The following LSM12 variants were observed in gnomAD, a reference collection of about 807,000 sequenced individuals.
The protein encoded by LSM12 is protein LSM12.
For missense variants in LSM12, 108 were observed against 238.9 expected (o/e 0.45, Z 3.61); for synonymous variants, 74 against 87.3 (o/e 0.85, Z 0.85).
At chr17:44,062,240 A>C (rs2144113857) in intron 2 of LSM12, among the ~76,000 whole-genome samples, 1 of 151,818 alleles carries the variant, frequency 6.6e-6, no homozygotes, top group African/African-American at 2.4e-5. Flanking sequence ...AAAAAAAAAA[A>C]AAAGCTATGA....
chr17:44,051,144 C>T (rs1306033247), intron 2 of LSM12, among the ~76,000 whole-genome samples: 1 of 152,038 alleles, frequency 6.6e-6, no homozygotes, highest in Admixed American at 6.6e-5. Flanking sequence ...TGGTGGCTCA[C>T]ACCTGTAATC....
chr17:44,044,548 C>A (rs966542294), intron 2 of LSM12, among the ~76,000 whole-genome samples: 1 of 152,188 alleles, frequency 6.6e-6, no homozygotes, highest in Non-Finnish European at 1.5e-5. Context: ...ATATACTCAA[C>A]CTACAGTAAT....
intron 2 of LSM12, among the ~76,000 whole-genome samples, chr17:44,051,481 G>A (rs1394732617): frequency 6.6e-6 from 1 of 151,932 alleles, no homozygotes; most frequent in Non-Finnish European, 1.5e-5. Flanking sequence ...TGTGCCTGGG[G>A]GGAGGAGGTG....
At chr17:44,056,202 G>A (rs907930109) in intron 2 of LSM12, among the ~76,000 whole-genome samples, 1 of 151,874 alleles carries the variant, frequency 6.6e-6, no homozygotes, top group Admixed American at 6.6e-5. Flanking sequence ...GGCTGAGGTA[G>A]GAGAATTGCT....
intron 2 of LSM12, among the ~76,000 whole-genome samples, chr17:44,059,156 G>A (rs2049761516): frequency 6.6e-6 from 1 of 151,988 alleles, no homozygotes; most frequent in African/African-American, 2.4e-5. Context: ...TCAACAGAAT[G>A]AGACTATATC....
At chr17:44,056,377 G>T (rs1162760499) in intron 2 of LSM12, among the ~76,000 whole-genome samples, 6 of 151,906 alleles carry the variant, frequency 3.9e-5, no homozygotes, top group Non-Finnish European at 8.8e-5. Flanking sequence ...GCTGAGGTGG[G>T]AGGATCACTT....
Position 44,061,454 on chromosome 17 carries a change from A to G in LSM12, c.258+2347T>C, listed in dbSNP as rs547893774. On this transcript the variant is annotated intron_variant, in intron 2 of 4. Transcript: ENST00000293406. ...CTAAGCCAAGGTTTCAAAAACCTAT[A>G]AGCTTCAAAGAATGGGACATCCCAT... Among the ~76,000 whole-genome samples, 15 of 152,342 alleles carry G rather than the reference A, an allele frequency of 9.8e-5. No homozygotes were observed. In the South Asian group the frequency reaches 2.9e-3, roughly 29 times the overall value.
intron 2 of LSM12, among the ~76,000 whole-genome samples, chr17:44,053,576 C>A (rs1324064234): frequency 6.6e-6 from 1 of 151,974 alleles, no homozygotes; most frequent in Non-Finnish European, 1.5e-5. Flanking sequence ...GGAGAGAGTG[C>A]AAGAGGGAAG....
intron 3 of LSM12, among the ~76,000 whole-genome samples, chr17:44,039,859 A>G (rs1389110930): frequency 6.6e-6 from 1 of 152,230 alleles, no homozygotes; most frequent in African/African-American, 2.4e-5. Context: ...GTTCTAAGTT[A>G]TGGACTACTA....
rs1192015210 is a variant in LSM12 at position 44,034,630 on chromosome 17, A to G, written c.*1578T>C. On this transcript the variant is annotated 3_prime_UTR_variant, in exon 5 of 5. Coordinates refer to ENST00000293406, the MANE Select transcript of LSM12 (RefSeq NM_001371445.1). The stretch of plus-strand genomic sequence containing the variant: ...TCTGAAGGACGCACAAACCTGAGAC[A>G]TGAGTGATGGTTAAAAAAATTTGGG... The G allele has an allele frequency of 6.6e-6, 1 of 152,562 alleles. No individual in the cohort carries two copies. Among genetic ancestry groups the G allele is most frequent in the Non-Finnish European group, 1.5e-5 (1 of 68,038 alleles). 9.5% of individuals were successfully genotyped at this position (152,562 alleles called of 1,614,324 possible).
chr17:44,045,211 A>C (rs538601644), intron 2 of LSM12, among the ~76,000 whole-genome samples: 1 of 152,164 alleles, frequency 6.6e-6, no homozygotes, highest in East Asian at 1.9e-4. Context: ...TATTTTTAGT[A>C]GAGACAGGGG....
At chr17:44,049,006 T>C (rs1431597422) in intron 2 of LSM12, among the ~76,000 whole-genome samples, 2 of 152,112 alleles carry the variant, frequency 1.3e-5, no homozygotes, top group South Asian at 2.1e-4. Context: ...CTGGCCAACA[T>C]TGTGAAACCC....
At chr17:44,059,110 A>G (rs1375475545) in intron 2 of LSM12, among the ~76,000 whole-genome samples, 1 of 152,128 alleles carries the variant, frequency 6.6e-6, no homozygotes, top group African/African-American at 2.4e-5. Context: ...TCGAAGCTGC[A>G]GTGAGTTATG....
chr17:44,038,525 C>G (rs974566285), intron 3 of LSM12, among the ~76,000 whole-genome samples: 2 of 151,540 alleles, frequency 1.3e-5, no homozygotes, highest in Non-Finnish European at 2.9e-5. Flanking sequence ...CGTGGGACTG[C>G]GCGCCTGTAG....
rs1329265427 is a variant in LSM12, at chr17:44,045,602, ACTC to A, written c.259-5349_259-5347del. Reference sequence around the variant, plus strand: ...TTTGTGTTTTCTGAAACAGAGTCTCACTCTATCACCCAGGCTGGAATGTAATGG... The same window carrying A: ...TTTGTGTTTTCTGAAACAGAGTCTCATATCACCCAGGCTGGAATGTAATGG... On this transcript the variant is annotated intron_variant, in intron 2 of 4. Coordinates refer to ENST00000293406, the MANE Select transcript of LSM12 (RefSeq NM_001371445.1). Among the ~76,000 whole-genome samples, 87 of 151,614 alleles carry A rather than the reference ACTC, an allele frequency of 5.7e-4. 1 individual carries two copies. The highest frequency in any genetic ancestry group is 2.0e-3 in the African/African-American group (84 of 41,316).
At chr17:44,066,435 G>A (rs903220921) in intron 1 of LSM12, 29 bp downstream of exon 1, 5 of 1,545,834 alleles carry the variant, frequency 3.2e-6, no homozygotes, top group Admixed American at 1.9e-5. Flanking sequence ...ACGCCGGCCC[G>A]GACTCGGGCT....
At position 44,036,401 on chromosome 17, in the gene LSM12, GC is replaced by G. The variant is rs2049416073; in HGVS notation, c.496-102del. 15 of 1,464,494 alleles carry G rather than the reference GC, an allele frequency of 1.0e-5. 1 individual carries two copies. The highest frequency in any genetic ancestry group is 1.4e-5 in the Non-Finnish European group (15 of 1,058,660). 90.7% of individuals were successfully genotyped at this position (1,464,494 alleles called of 1,614,324 possible). A position where few individuals can be genotyped will look rare whatever the true frequency, so the allele number is the denominator to read the frequency against. ...TCCACAGCCCCATCCTGGCTGTCCAGCCCATTGGTGTCCAGGCACCTTTGCC... is the reference window on the plus strand; with the variant it reads ...TCCACAGCCCCATCCTGGCTGTCCAGCCATTGGTGTCCAGGCACCTTTGCC... On this transcript the variant is annotated intron_variant, in intron 4 of 4. Transcript: ENST00000293406.
chr17:44,057,532 T>C (rs1170280639), intron 2 of LSM12, among the ~76,000 whole-genome samples: 1 of 149,474 alleles, frequency 6.7e-6, no homozygotes. Flanking sequence ...GAGGCGGAGG[T>C]GGGCGGATCA....
At chr17:44,066,407 C>G in intron 1 of LSM12, 57 bp downstream of exon 1, 2 of 1,496,528 alleles carry the variant, frequency 1.3e-6, no homozygotes, top group Non-Finnish European at 1.8e-6. Context: ...TCCCCCACCC[C>G]CCGACCACCG....
Sources: gnomAD v4.1 joint callset for allele counts (sites outside exome capture counted in the v4.1 genomes callset) on GRCh38, gnomAD v4.1.1 for gene constraint, MANE v1.5 for transcripts, NCBI Gene and HGNC (gene_info 2026-07-23, HGNC 2026-07-21) for gene names.